MEGF10: variants seen among roughly 807,000 people sequenced by gnomAD.
MEGF10 encodes the protein multiple EGF like domains 10.
A neutral mutation model predicts 147.5 loss-of-function variants in MEGF10; 86 were observed. That is an observed-to-expected ratio of 0.58 (90% CI 0.49 to 0.70). MEGF10 has a LOEUF of 0.70. Among genes scored for constraint, MEGF10 ranks in the 30% least tolerant of loss-of-function variants. The pLI is 0.00. For synonymous variants in MEGF10, 478 were observed against 525.5 expected (o/e 0.91, Z 1.24); for missense variants, 1,329 against 1,487.3 (o/e 0.89, Z 1.75).
the MEGF10 span, among the ~76,000 whole-genome samples, chr5:127,278,945 T>G: frequency 6.6e-6 from 1 of 152,198 alleles, no homozygotes; most frequent in Non-Finnish European, 1.5e-5. Context: ...CTAGTAGTCA[T>G]GAATTTAGAG....
chr5:127,254,059 A>G, the MEGF10 span, among the ~76,000 whole-genome samples: 1 of 152,290 alleles, frequency 6.6e-6, no homozygotes, highest in East Asian at 1.9e-4. Flanking sequence ...TCCCATTTCC[A>G]AAGTAAAAAA....
At chr5:127,280,926 G>A in the MEGF10 span, among the ~76,000 whole-genome samples, 1 of 152,336 alleles carries the variant, frequency 6.6e-6, no homozygotes, top group East Asian at 1.9e-4. Context: ...TTGGGCATGC[G>A]TCTGAGGCTC....
chr5:127,247,095 A>C, the MEGF10 span, among the ~76,000 whole-genome samples: 197 of 139,288 alleles, frequency 1.4e-3, 1 homozygote, highest in African/African-American at 5.2e-3. Context: ...GAAGTAAAGC[A>C]TGATAGTTTT....
the MEGF10 span, among the ~76,000 whole-genome samples, chr5:127,259,073 A>T: frequency 3.4e-4 from 51 of 152,188 alleles, no homozygotes; most frequent in Non-Finnish European, 1.5e-5. Context: ...ATTTACATTT[A>T]TGAGATGATC....
At chr5:127,247,062 T>TG in the MEGF10 span, among the ~76,000 whole-genome samples, 2 of 134,362 alleles carry the variant, frequency 1.5e-5, no homozygotes, top group African/African-American at 5.7e-5. Context: ...AGGTGTGAGA[T>TG]GAAGAGAGAG....
intron 12 of MEGF10, among the ~76,000 whole-genome samples, chr5:127,420,863 G>C (rs1458274845): frequency 6.6e-6 from 1 of 151,990 alleles, no homozygotes; most frequent in African/African-American, 2.4e-5. Flanking sequence ...TCTTTCTATA[G>C]CAATTATTTT....
intron 11 of MEGF10, 144 bp downstream of exon 11, chr5:127,419,384 G>A (rs1477668062): frequency 7.3e-6 from 7 of 953,168 alleles, no homozygotes; most frequent in Non-Finnish European, 1.6e-6. Context: ...CATCCAGTAT[G>A]GGCTGGAACG....
intron 1 of MEGF10, among the ~76,000 whole-genome samples, chr5:127,308,709 G>T (rs2546803): frequency 1.4e-5 from 2 of 146,702 alleles, no homozygotes; most frequent in African/African-American, 2.5e-5. Flanking sequence ...ACCAGAGCCT[G>T]TTGTGGGGTG....
intron 3 of MEGF10, 149 bp from the exon 4 acceptor site, chr5:127,340,381 A>G (rs1761633648): frequency 3.8e-6 from 2 of 528,710 alleles, no homozygotes; most frequent in South Asian, 3.1e-5. Context: ...ATTGGCTTCA[A>G]TAGGGAATCT....
At chr5:127,262,055 T>C in the MEGF10 span, among the ~76,000 whole-genome samples, 17 of 152,218 alleles carry the variant, frequency 1.1e-4, no homozygotes, top group Non-Finnish European at 2.5e-4. Flanking sequence ...TCTTATATCA[T>C]AGTCTGTCTT....
At chr5:127,285,923 A>G (rs961859043), upstream of MEGF10, among the ~76,000 whole-genome samples, 2 of 152,144 alleles carry the variant, frequency 1.3e-5, no homozygotes, top group African/African-American at 2.4e-5. Context: ...GCATGCATCA[A>G]TTGATGAATG....
chr5:127,309,433 A>G (rs541877130), intron 1 of MEGF10, among the ~76,000 whole-genome samples: 105 of 152,326 alleles, frequency 6.9e-4, no homozygotes, highest in African/African-American at 2.5e-3. Flanking sequence ...CCCATTAAAT[A>G]GCAGCTCCCC....
chr5:127,445,753 C>T, intron 20 of MEGF10, 60 bp downstream of exon 20: 1 of 1,236,752 alleles, frequency 8.1e-7, no homozygotes, highest in South Asian at 1.2e-5. Flanking sequence ...CATTCGGGTT[C>T]TTTAAAACTG....
the MEGF10 span, among the ~76,000 whole-genome samples, chr5:127,265,233 C>A: frequency 6.6e-6 from 1 of 152,132 alleles, no homozygotes; most frequent in Non-Finnish European, 1.5e-5. Context: ...CATGTCCCTA[C>A]AAAGGACATG....
At chr5:127,349,112 AC>A (rs1361196041) in intron 4 of MEGF10, among the ~76,000 whole-genome samples, 2 of 152,142 alleles carry the variant, frequency 1.3e-5, no homozygotes, top group Non-Finnish European at 2.9e-5. Flanking sequence ...TAGTAAGCTG[AC>A]CTTTTATTCT....
At chr5:127,330,421 A>G (rs1169180631) in intron 1 of MEGF10, among the ~76,000 whole-genome samples, 1 of 152,078 alleles carries the variant, frequency 6.6e-6, no homozygotes, top group Admixed American at 6.6e-5. Flanking sequence ...CTTGCCATGA[A>G]TTAACTTGAA....
At chr5:127,395,674 A>G (rs987739149) in intron 5 of MEGF10, among the ~76,000 whole-genome samples, 1 of 150,454 alleles carries the variant, frequency 6.6e-6, no homozygotes, top group East Asian at 2.0e-4. Flanking sequence ...CCTCCCGAGT[A>G]GCTGGGACTA....
chr5:127,307,605 G>T (rs1322110144), intron 1 of MEGF10, among the ~76,000 whole-genome samples: 1 of 152,150 alleles, frequency 6.6e-6, no homozygotes, highest in East Asian at 1.9e-4. Flanking sequence ...CTACTGACAT[G>T]TCTCTTCAAA....
At chr5:127,347,764 T>C (rs757955971) in intron 4 of MEGF10, among the ~76,000 whole-genome samples, 15 of 152,012 alleles carry the variant, frequency 9.9e-5, no homozygotes, top group Non-Finnish European at 2.1e-4. Context: ...ATTGTTAACA[T>C]AGAATGGAGA....
Sources: gnomAD v4.1 joint callset for allele counts (sites outside exome capture counted in the v4.1 genomes callset) on GRCh38, gnomAD v4.1.1 for gene constraint, MANE v1.5 for transcripts, NCBI Gene and HGNC (gene_info 2026-07-23, HGNC 2026-07-21) for gene names.